Variants in DMD observed in about 807,000 individuals in gnomAD.
The protein encoded by DMD is dystrophin.
A neutral mutation model predicts 330.1 loss-of-function variants in DMD; 63 were observed. The ratio of observed to expected loss-of-function variants is 0.19; its 90% CI spans 0.16 to 0.24. DMD has a LOEUF of 0.24. Ranked by LOEUF, DMD falls within the 10% of genes least tolerant of loss-of-function variation. The pLI, the probability that DMD is intolerant of heterozygous loss-of-function variation, is 1.00. For missense variants in DMD, 3,344 were observed against 2,684.1 expected (o/e 1.25, Z -5.43); for synonymous variants, 1,223 against 959.8 (o/e 1.27, Z -5.07).
At chrX:33,338,940 C>T (rs907455675) in intron 1 of DMD, among the ~76,000 whole-genome samples, 5 of 111,033 alleles carry the variant, frequency 4.5e-5, no homozygotes, top group Admixed American at 1.9e-4. Flanking sequence ...TAGATTTCCC[C>T]GAAGATTTTT....
At chrX:33,202,050 GTTAT>G (rs1432543174) in intron 1 of DMD, among the ~76,000 whole-genome samples, 2 of 112,205 alleles carry the variant, frequency 1.8e-5, no homozygotes, top group African/African-American at 6.5e-5. Context: ...ATGGGCATGA[GTTAT>G]TTAGGATATC....
intron 60 of DMD, among the ~76,000 whole-genome samples, chrX:31,401,873 C>T (rs2061206565): frequency 9.0e-6 from 1 of 111,404 alleles, no homozygotes; most frequent in South Asian, 3.8e-4. Context: ...TTGCTGTCCC[C>T]TGCTCTGCTC....
chrX:33,006,684 T>C (rs950360754), intron 2 of DMD, among the ~76,000 whole-genome samples: 1 of 111,576 alleles, frequency 9.0e-6, no homozygotes, highest in African/African-American at 3.2e-5. Flanking sequence ...TCATCTCTCA[T>C]TGTTCCTTAT....
intron 1 of DMD, among the ~76,000 whole-genome samples, chrX:33,204,673 C>T (rs1404237662): frequency 9.0e-6 from 1 of 111,043 alleles, no homozygotes; most frequent in East Asian, 2.8e-4. Context: ...ATACTATCGC[C>T]AGAGCATAGC....
At chrX:31,458,036 A>T (rs1430013491) in intron 59 of DMD, among the ~76,000 whole-genome samples, 1 of 111,824 alleles carries the variant, frequency 8.9e-6, no homozygotes. Flanking sequence ...TTGCAAACAA[A>T]ATAAAAAAGC....
intron 23 of DMD, among the ~76,000 whole-genome samples, chrX:32,464,948 T>G (rs2098396300): frequency 8.9e-6 from 1 of 112,060 alleles, no homozygotes; most frequent in Non-Finnish European, 1.9e-5. Flanking sequence ...TTTATGATGT[T>G]ACTCTCGAGA....
chrX:31,122,637 G>T (rs1320580541), intron 78 of DMD, among the ~76,000 whole-genome samples: 1 of 111,687 alleles, frequency 9.0e-6, no homozygotes, highest in Non-Finnish European at 1.9e-5. Context: ...AATAAAAATT[G>T]CTTTACATTC....
intron 44 of DMD, among the ~76,000 whole-genome samples, chrX:32,143,644 G>A (rs1483049920): frequency 9.3e-6 from 1 of 107,923 alleles, no homozygotes; most frequent in African/African-American, 3.4e-5. Context: ...CCGGGTTCAC[G>A]CCATTCTCCT....
chrX:32,938,249 G>C (rs139988184), intron 2 of DMD, among the ~76,000 whole-genome samples: 1 of 111,298 alleles, frequency 9.0e-6, no homozygotes, highest in Admixed American at 9.6e-5. Context: ...ATATGAAAAG[G>C]GTTATCGAAT....
chrX:31,803,659 T>C (rs2092169870), intron 50 of DMD, among the ~76,000 whole-genome samples: 2 of 77,710 alleles, frequency 2.6e-5, no homozygotes, highest in Non-Finnish European at 4.9e-5. Context: ...TTTGTCTTCC[T>C]CTCTCTCTTT....
chrX:33,216,741 T>C (rs1162603548), intron 1 of DMD, among the ~76,000 whole-genome samples: 1 of 112,073 alleles, frequency 8.9e-6, no homozygotes, highest in Non-Finnish European at 1.9e-5. Flanking sequence ...TTACTTTTTT[T>C]TGTCTACACT....
intron 2 of DMD, among the ~76,000 whole-genome samples, chrX:32,949,286 A>ACG (rs1557166034): frequency 1.9e-5 from 2 of 102,814 alleles, no homozygotes; most frequent in Non-Finnish European, 3.9e-5. Context: ...ACACACACAC[A>ACG]CACACGCACA....
chrX:32,839,742 T>TC (rs1491440919), intron 4 of DMD, among the ~76,000 whole-genome samples: 2 of 102,277 alleles, frequency 2.0e-5, no homozygotes, highest in Non-Finnish European at 2.0e-5. Flanking sequence ...TTTTTTTTTT[T>TC]CACTCTGTGG....
rs151256562 is a variant in DMD at position 32,584,619 on chromosome X, T to C, written c.1603-10773A>G. Among the ~76,000 whole-genome samples, 620 of 112,300 alleles carry C rather than the reference T, an allele frequency of 5.5e-3. 7 individuals are homozygous for C. The highest frequency in any genetic ancestry group is 0.019 in the African/African-American group (587 of 30,993). On this transcript the variant is annotated intron_variant, in intron 13 of 78. Transcript: ENST00000357033. ...TAATAAAGTAATGCTATATGCAACA[T>C]AGTGAATCTCACAAATATAGTATCC...
In DMD at chrX:31,901,836, C is replaced by T. The variant is rs192134326; in HGVS notation, c.6913-26463G>A. Among the ~76,000 whole-genome samples the T allele has an allele frequency of 4.5e-5, 5 of 111,348 alleles. No individual in the cohort carries two copies. The Admixed American group carries it at 4.8e-4, about 11-fold the overall frequency. ...TATTTATTTTTAAATTAACACATAA[C>T]ATTGTATGTATTTATTGTGTACAAC... On this transcript the variant is annotated intron_variant, in intron 47 of 78. Coordinates refer to ENST00000357033, the MANE Select transcript of DMD (RefSeq NM_004006.3).
At chrX:32,419,375 G>A (rs148118349) in intron 29 of DMD, among the ~76,000 whole-genome samples, 29 of 112,047 alleles carry the variant, frequency 2.6e-4, no homozygotes, top group African/African-American at 9.1e-4. Context: ...CTCACACTGT[G>A]TTCCTTGGAC....
rs1302427508 is a variant in DMD, at chrX:32,214,637, G to A, written c.6438+2279C>T. On this transcript the variant is annotated intron_variant, in intron 44 of 78. Coordinates refer to ENST00000357033, the MANE Select transcript of DMD (RefSeq NM_004006.3). Reference sequence around the variant, plus strand: ...GGACATCAGAGAGAGTACTCAGAAGGGTTTTGCCTCAGTAGTGGGGAAAAA... The same window carrying A: ...GGACATCAGAGAGAGTACTCAGAAGAGTTTTGCCTCAGTAGTGGGGAAAAA... Among the ~76,000 whole-genome samples the A allele has an allele frequency of 2.7e-5, 3 of 111,447 alleles. No homozygotes were observed. In the South Asian group the frequency reaches 1.1e-3, roughly 42 times the overall value.
At chrX:32,335,863 G>A (rs976984425) in intron 41 of DMD, among the ~76,000 whole-genome samples, 4 of 102,597 alleles carry the variant, frequency 3.9e-5, no homozygotes, top group Admixed American at 1.1e-4. Context: ...TATATTCAAC[G>A]TTATATGTGT....
In DMD at chrX:32,808,650, A is replaced by G. The variant is rs181885513; in HGVS notation, c.649+843T>C. Among the ~76,000 whole-genome samples the G allele has an allele frequency of 1.3e-3, 149 of 111,927 alleles. 1 individual carries two copies. The Admixed American group carries it at 0.014, about 11-fold the overall frequency. On this transcript the variant is annotated intron_variant, in intron 7 of 78. Coordinates refer to ENST00000357033, the MANE Select transcript of DMD (RefSeq NM_004006.3). ...TCCTGTTTTGGAATTGATGAAATCG[A>G]TTTAATATTCCCAAAAGCATTTAAT... is the stretch of plus-strand genomic sequence containing the variant.
Sources: allele counts gnomAD v4.1 joint callset (sites outside exome capture counted in the v4.1 genomes callset), GRCh38; gene constraint gnomAD v4.1.1; transcripts MANE v1.5; gene names NCBI Gene and HGNC (gene_info 2026-07-23, HGNC 2026-07-21).